The following DPF2 variants were observed in gnomAD, a reference collection of about 807,000 sequenced individuals.
DPF2 encodes the protein double PHD fingers 2.
A neutral mutation model predicts 59.6 loss-of-function variants in DPF2; 10 were observed. That is an observed-to-expected ratio of 0.17 (90% confidence interval 0.10 to 0.28). The LOEUF is 0.28. Ranked by LOEUF, DPF2 falls within the 10% of genes least tolerant of loss-of-function variation. The pLI is 1.00. For missense variants in DPF2, 315 were observed against 509.4 expected, an observed-to-expected ratio of 0.62 and a Z score of 3.67; for synonymous variants, 189 against 190.6, an observed-to-expected ratio of 0.99 and a Z score of 0.07.
chr11:65,350,542 C>A (rs1339685397), intron 10 of DPF2, among the ~76,000 whole-genome samples: 1 of 150,910 alleles, frequency 6.6e-6, no homozygotes, highest in South Asian at 2.1e-4. Context: ...CCACCACACC[C>A]GGCTAATTTT....
At chr11:65,338,501 A>G (rs112521603) in intron 1 of DPF2, among the ~76,000 whole-genome samples, 23 of 152,352 alleles carry the variant, frequency 1.5e-4, no homozygotes, top group African/African-American at 4.3e-4. Flanking sequence ...GTCCGTATCA[A>G]TTCCCATCAG....
At chr11:65,344,775 C>A (rs893509352) in intron 6 of DPF2, 3 of 802,286 alleles carry the variant, frequency 3.7e-6, no homozygotes, top group Non-Finnish European at 5.9e-6. Flanking sequence ...GTGCTCTACT[C>A]CTCAAAGTCC....
At position 65,334,313 on chromosome 11, in the gene DPF2, C is replaced by CCCCGT. The variant is rs368023279; in HGVS notation, c.32+406_32+410dup. ...TACGGCTGGCCCGCCGCCCACCCCG[C>CCCCGT]CCCGTCCCGTCCCGTTCGCTGCAGC... On this transcript the variant is annotated intron_variant, in intron 1 of 10. Transcript: ENST00000528416. 7.6e-3 allele frequency among the ~76,000 whole-genome samples: 1,164 copies of CCCCGT among 152,176 alleles called. 8 individuals carry two copies. The highest frequency in any genetic ancestry group is 0.023 in the African/African-American group (963 of 41,500).
At chr11:65,344,314 C>A in intron 6 of DPF2, 1 of 614,156 alleles carries the variant, frequency 1.6e-6, no homozygotes, top group Non-Finnish European at 2.9e-6. Context: ...TTGTGGGGGC[C>A]ACAGCAGGCA....
At chr11:65,341,104 G>T in intron 3 of DPF2, 31 bp downstream of exon 3, 1 of 1,597,024 alleles carries the variant, frequency 6.3e-7, no homozygotes, top group Non-Finnish European at 8.6e-7. Flanking sequence ...GCAGAGGCGT[G>T]GCCTGCTGCA....
chr11:65,340,890 A>G, intron 2 of DPF2, 76 bp from the exon 3 acceptor site: 2 of 1,410,268 alleles, frequency 1.4e-6, no homozygotes, highest in East Asian at 2.4e-5. Flanking sequence ...AGGGGGGCCT[A>G]CTTAATTAGA....
chr11:65,345,752 G>A lies in DPF2; in HGVS notation c.724G>A (p.Glu242Lys). ...GGCTGAGGAGGAGGGCGAGGACAAG[G>A]AAGACTCTCAACCACCCACTCCTGT... Reference protein sequence around the residue: ...HLAEEEGEDKEDSQPPTPVSQ... With the variant: ...HLAEEEGEDKKDSQPPTPVSQ... Residue 242 changes from glutamate to lysine, a missense_variant, in exon 7 of 11, where the codon GAA becomes AAA. Glu to Lys is a moderately conservative substitution (Grantham distance 56). Around this residue, in one of 4 missense-constraint regions of DPF2, gnomAD observed 58 missense variants for 84.6 expected, o/e 0.69. Coordinates refer to ENST00000528416, the MANE Select transcript of DPF2 (RefSeq NM_006268.5). The A allele has an allele frequency of 6.2e-7, 1 of 1,614,128 alleles. No homozygotes were observed. Among genetic ancestry groups the A allele is most frequent in the Non-Finnish European group, 8.5e-7 (1 of 1,180,034 alleles).
At chr11:65,348,829 C>T (rs764055932) in intron 9 of DPF2, 21 bp from the exon 10 acceptor site, 2 of 1,613,750 alleles carry the variant, frequency 1.2e-6, no homozygotes, top group African/African-American at 1.3e-5. Context: ...TCCCCATCCT[C>T]TTCCCTCTTG....
At position 65,341,567 on chromosome 11, in the gene DPF2, A is replaced by G. The variant is rs202235809; in HGVS notation, c.465+5A>G. 967 of 1,614,116 alleles carry G rather than the reference A, an allele frequency of 6.0e-4. No individual in the cohort carries two copies. The highest frequency in any genetic ancestry group is 7.3e-4 in the Non-Finnish European group (862 of 1,179,988). Reference sequence around the variant, plus strand: ...ACCAACAGTCGAGCGCGAAAGGTACAGGATTATCCCTGTGGCTAAGGGAGC... The same window carrying G: ...ACCAACAGTCGAGCGCGAAAGGTACGGGATTATCCCTGTGGCTAAGGGAGC... On this transcript the variant is annotated splice_donor_5th_base_variant and intron_variant, in intron 4 of 10. Coordinates refer to ENST00000528416, the MANE Select transcript of DPF2 (RefSeq NM_006268.5).
intron 1 of DPF2, among the ~76,000 whole-genome samples, chr11:65,335,270 C>G (rs183266844): frequency 6.6e-6 from 1 of 152,266 alleles, no homozygotes; most frequent in Non-Finnish European, 1.5e-5. Flanking sequence ...CTTCCTGACT[C>G]AGATGTTCTT....
At chr11:65,348,810 G>C (rs1249412681) in intron 9 of DPF2, 40 bp from the exon 10 acceptor site, 1 of 1,608,866 alleles carries the variant, frequency 6.2e-7, no homozygotes, top group Non-Finnish European at 8.5e-7. Flanking sequence ...AGGCACATCA[G>C]TTATTCAGTC....
rs1169467116 is a variant in DPF2, at chr11:65,352,371, G to C, written c.*612G>C. ...TGTCCCATTCCACCCCACCCCAGGG[G>C]GAACAGTAGCTTCACCTTGTTATTC... On this transcript the variant is annotated 3_prime_UTR_variant, in exon 11 of 11. Transcript: ENST00000528416. The C allele has an allele frequency of 6.5e-6, 1 of 153,028 alleles. No individual in the cohort carries two copies. 9.5% of individuals were successfully genotyped at this position (153,028 alleles called of 1,614,324 possible).
intron 6 of DPF2, chr11:65,344,416 T>G: frequency 1.5e-6 from 1 of 677,512 alleles, no homozygotes; most frequent in Non-Finnish European, 2.5e-6. Context: ...CAACGTCTGT[T>G]CTCTTTTTCT....
intron 6 of DPF2, chr11:65,344,536 T>A: frequency 6.5e-7 from 1 of 1,529,898 alleles, no homozygotes; most frequent in Non-Finnish European, 8.8e-7. Context: ...CTGTCTCAAG[T>A]GTATCAAGGC....
intron 4 of DPF2, 167 bp from the exon 5 acceptor site, chr11:65,343,578 A>G: frequency 1.6e-6 from 1 of 622,366 alleles, no homozygotes; most frequent in Non-Finnish European, 2.8e-6. Flanking sequence ...TATGGAAGGG[A>G]GCAGGAGCAG....
rs1854711943 is a variant in DPF2 at position 65,351,983 on chromosome 11, T to C, written c.*224T>C. 1 of 579,680 alleles carries C rather than the reference T, an allele frequency of 1.7e-6. No individual in the cohort carries two copies. The highest frequency in any genetic ancestry group is 3.1e-6 in the Non-Finnish European group (1 of 324,400). The allele number at this position is 579,680 out of a possible 1,614,324, so 35.9% of individuals were successfully genotyped here. A position where few individuals can be genotyped will look rare whatever the true frequency, so the allele number is the denominator to read the frequency against. On this transcript the variant is annotated 3_prime_UTR_variant, in exon 11 of 11. Transcript: ENST00000528416. ...AGGAGCAACACACTGCCCCTAGGCG[T>C]GCGTGTGGCCCAGTTTCTCTCTGCT...
chr11:65,345,631 C>T (rs1274384158), intron 6 of DPF2, 35 bp from the exon 7 acceptor site: 2 of 1,612,540 alleles, frequency 1.2e-6, no homozygotes, highest in Non-Finnish European at 8.5e-7. Flanking sequence ...CTCTTGTATC[C>T]TAACACCTTT....
At chr11:65,337,544 GAGA>G (rs1565528077) in intron 1 of DPF2, among the ~76,000 whole-genome samples, 14 of 124,942 alleles carry the variant, frequency 1.1e-4, no homozygotes, top group African/African-American at 4.1e-4. Flanking sequence ...GAGAGAGAGA[GAGA>G]ACAATGTTAA....
rs1352496165 is a variant in DPF2, at chr11:65,345,728, G to A, written c.700G>A (p.Ala234Thr). The part of the protein sequence containing the change: ...LSYHYAHSHL[A>T]EEEGEDKEDS... ...TTACCACTATGCCCACTCCCACTTGGCTGAGGAGGAGGGCGAGGACAAGGA... is the reference window on the plus strand; with the variant it reads ...TTACCACTATGCCCACTCCCACTTGACTGAGGAGGAGGGCGAGGACAAGGA... Residue 234 changes from alanine (A) to threonine (T), a missense_variant, in exon 7 of 11, where the codon GCT becomes ACT. Coordinates refer to ENST00000528416, the MANE Select transcript of DPF2 (RefSeq NM_006268.5). The A allele has an allele frequency of 1.2e-6, 2 of 1,614,114 alleles. No individual in the cohort carries two copies. Among genetic ancestry groups the A allele is most frequent in the South Asian group, 2.2e-5 (2 of 91,086 alleles).
Sources: allele counts gnomAD v4.1 joint callset (sites outside exome capture counted in the v4.1 genomes callset), GRCh38; gene constraint gnomAD v4.1.1; regional missense constraint gnomAD v4.1.1; transcripts MANE v1.5; gene names NCBI Gene and HGNC (gene_info 2026-07-23, HGNC 2026-07-21).